Variants in ERC2 observed in about 807,000 individuals in gnomAD.
ERC2 encodes the protein ELKS/RAB6-interacting/CAST family member 2.
Under a neutral mutation model 114.8 loss-of-function variants are expected in ERC2, and 42 were observed. That is an observed-to-expected ratio of 0.37 (90% confidence interval 0.29 to 0.47). The LOEUF is 0.47. ERC2 is among the 20% of genes least tolerant of loss of function. ERC2 has a pLI of 0.99. For missense variants in ERC2, 939 were observed against 1,150.7 expected (o/e 0.82, Z 2.66); for synonymous variants, 454 against 425.5 (o/e 1.07, Z -0.82).
At chr3:55,668,961 G>A (rs902898539) in intron 17 of ERC2, among the ~76,000 whole-genome samples, 2 of 152,282 alleles carry the variant, frequency 1.3e-5, no homozygotes, top group South Asian at 2.1e-4. Context: ...TATTAGTTAA[G>A]TGCTACATAG....
chr3:56,021,552 T>C (rs1481347462), intron 7 of ERC2, among the ~76,000 whole-genome samples: 1 of 151,782 alleles, frequency 6.6e-6, no homozygotes, highest in East Asian at 1.9e-4. Flanking sequence ...GGCATATTTA[T>C]TTATTTTTTT....
intron 3 of ERC2, among the ~76,000 whole-genome samples, chr3:56,236,341 T>G (rs2050945986): frequency 6.6e-6 from 1 of 152,112 alleles, no homozygotes; most frequent in African/African-American, 2.4e-5. Flanking sequence ...CTTTTTTTCC[T>G]CTCCACTTCA....
chr3:55,618,109 C>T (rs548114270), intron 17 of ERC2, among the ~76,000 whole-genome samples: 1 of 152,122 alleles, frequency 6.6e-6, no homozygotes, highest in South Asian at 2.1e-4. Context: ...AGATATTTTT[C>T]ATCTCTCCCT....
At chr3:55,878,202 C>A (rs1376557102) in intron 14 of ERC2, among the ~76,000 whole-genome samples, 1 of 152,180 alleles carries the variant, frequency 6.6e-6, no homozygotes, top group Non-Finnish European at 1.5e-5. Flanking sequence ...AAAGACTATA[C>A]TTCTCTAGCT....
intron 13 of ERC2, among the ~76,000 whole-genome samples, chr3:55,946,650 G>C (rs2067142983): frequency 2.0e-5 from 3 of 152,054 alleles, no homozygotes; most frequent in Admixed American, 2.0e-4. Flanking sequence ...AAAAAAGTAA[G>C]GGTCAGAGAG....
At chr3:56,222,757 G>A (rs371400393) in intron 3 of ERC2, among the ~76,000 whole-genome samples, 1 of 152,140 alleles carries the variant, frequency 6.6e-6, no homozygotes, top group Non-Finnish European at 1.5e-5. Context: ...CTATACAACC[G>A]CTATAGCTAG....
chr3:55,811,268 C>G (rs907721836), intron 14 of ERC2, among the ~76,000 whole-genome samples: 1 of 152,162 alleles, frequency 6.6e-6, no homozygotes, highest in Admixed American at 6.5e-5. Flanking sequence ...ATCAAGCATG[C>G]CTTTTCTTAA....
At chr3:55,866,150 A>T (rs185856318) in intron 14 of ERC2, among the ~76,000 whole-genome samples, 8 of 152,194 alleles carry the variant, frequency 5.3e-5, no homozygotes, top group African/African-American at 1.9e-4. Context: ...TAACCATCCT[A>T]GTGGATGTAA....
chr3:56,072,895 C>T (rs1291262164), intron 7 of ERC2, among the ~76,000 whole-genome samples: 2 of 152,082 alleles, frequency 1.3e-5, no homozygotes, highest in Admixed American at 1.3e-4. Flanking sequence ...ACTAGCACCC[C>T]CCTAACAAAT....
At chr3:55,731,915 T>C (rs2065272971) in intron 15 of ERC2, among the ~76,000 whole-genome samples, 1 of 152,164 alleles carries the variant, frequency 6.6e-6, no homozygotes, top group South Asian at 2.1e-4. Flanking sequence ...TCTTAAATGG[T>C]TTTTTTGGCA....
intron 7 of ERC2, among the ~76,000 whole-genome samples, chr3:56,071,798 T>C (rs1237452230): frequency 1.3e-5 from 2 of 152,240 alleles, no homozygotes; most frequent in Non-Finnish European, 2.9e-5. Flanking sequence ...ACTGAATTTG[T>C]TGCTTCACAA....
At chr3:55,960,813 T>A (rs1157127665) in intron 12 of ERC2, among the ~76,000 whole-genome samples, 1 of 152,216 alleles carries the variant, frequency 6.6e-6, no homozygotes, top group Non-Finnish European at 1.5e-5. Context: ...CGAAAAACAT[T>A]TCATTGGATC....
intron 16 of ERC2, among the ~76,000 whole-genome samples, chr3:55,685,756 A>G (rs896338605): frequency 6.6e-6 from 1 of 152,212 alleles, no homozygotes. Context: ...GGATGCTATG[A>G]TTTGCCAAAG....
chr3:55,518,994 G>A (rs905126251), intron 17 of ERC2, among the ~76,000 whole-genome samples: 2 of 152,176 alleles, frequency 1.3e-5, no homozygotes, highest in Non-Finnish European at 2.9e-5. Flanking sequence ...ATCTTTGCGG[G>A]TGCCACTACT....
At position 55,734,806 on chromosome 3, in the gene ERC2, C is replaced by T. The variant is rs1248585292; in HGVS notation, c.2677G>A (p.Glu893Lys). The T allele has an allele frequency of 6.2e-7, 1 of 1,612,904 alleles. No individual in the cohort carries two copies. The highest frequency in any genetic ancestry group is 1.1e-5 in the South Asian group (1 of 90,876). ...TQEEVMALKREKDRLVHQLKQ... is the reference protein window; with the variant it reads ...TQEEVMALKRKKDRLVHQLKQ... ...AATTGATGTACTAGTCGGTCTTTTT[C>T]CCGCTTGAGGGCCATGACTTCTTCC... The change falls in exon 15 of 18, where the codon GAA becomes AAA. Residue 893 changes from glutamate to lysine, a missense_variant. By Grantham distance (56) the Glu-to-Lys change is moderately conservative. This residue lies in a region of ERC2 where 328 missense variants were observed against 353.9 expected (regional missense o/e 0.93). Transcript: ENST00000288221.
At chr3:56,434,115 C>G in intron 2 of ERC2, 1 of 527,152 alleles carries the variant, frequency 1.9e-6, no homozygotes, top group South Asian at 3.0e-5. Context: ...CTCCCCACCC[C>G]ACCCCTCTCC....
At chr3:56,065,295 T>A (rs2076418930) in intron 7 of ERC2, among the ~76,000 whole-genome samples, 1 of 152,062 alleles carries the variant, frequency 6.6e-6, no homozygotes. Context: ...TGATCATGGC[T>A]CACTGCAGCC....
chr3:55,551,745 T>C (rs1011863831), intron 17 of ERC2, among the ~76,000 whole-genome samples: 8 of 152,160 alleles, frequency 5.3e-5, no homozygotes, highest in African/African-American at 1.9e-4. Context: ...TAATCAGCTT[T>C]ACTCAAAGTC....
At chr3:56,325,677 A>G (rs2150436798) in intron 2 of ERC2, among the ~76,000 whole-genome samples, 1 of 152,314 alleles carries the variant, frequency 6.6e-6, no homozygotes, top group South Asian at 2.1e-4. Flanking sequence ...ACTATATGTA[A>G]AAATAACTGA....
Sources: gnomAD v4.1 joint callset for allele counts (sites outside exome capture counted in the v4.1 genomes callset) on GRCh38, gnomAD v4.1.1 for gene constraint, gnomAD v4.1.1 regional missense constraint, MANE v1.5 for transcripts, NCBI Gene and HGNC (gene_info 2026-07-23, HGNC 2026-07-21) for gene names.